The following CNOT1 variants were observed in gnomAD, a reference collection of about 807,000 sequenced individuals.
CNOT1 encodes CCR4-NOT transcription complex subunit 1.
CNOT1 carries 15 observed loss-of-function variants against 273.8 expected under a neutral mutation model. The observed-to-expected ratio is 0.05, with a 90% CI of 0.04 to 0.08. The LOEUF (loss-of-function observed/expected upper bound fraction) is 0.08, where lower values mean the gene tolerates loss of function less well. Among genes scored for constraint, CNOT1 ranks in the 10% least tolerant of loss-of-function variants. CNOT1 has a pLI of 1.00. For synonymous variants in CNOT1, 1,022 were observed against 1,005.5 expected (o/e 1.02, Z -0.31); for missense variants, 1,644 against 2,912.2 (o/e 0.56, Z 10.02).
chr16:58,586,958 T>C (rs1194974361), intron 6 of CNOT1, among the ~76,000 whole-genome samples: 1 of 152,204 alleles, frequency 6.6e-6, no homozygotes, highest in African/African-American at 2.4e-5. Context: ...ATGGGCATAG[T>C]TCTGTTTGGC....
chr16:58,594,560 T>C (rs2042182309), intron 2 of CNOT1, among the ~76,000 whole-genome samples: 3 of 152,072 alleles, frequency 2.0e-5, no homozygotes, highest in Admixed American at 2.0e-4. Context: ...TCCCAGAATT[T>C]TGGGAGGCTG....
chr16:58,532,255 A>G lies in CNOT1; in HGVS notation c.6036T>C (p.Asn2012=). Residue 2012 remains asparagine (N), a synonymous_variant, in exon 41 of 49, where the codon AAT becomes AAC. Coordinates refer to ENST00000317147, the MANE Select transcript of CNOT1 (RefSeq NM_016284.5). ...ACCAGAAAGCTGTAAGTGTCTGGAA[A>G]TTAATGGTTTCCAACACATGCTCAG... ...NAPEHVLETI[N]FQTLTAFCNT... 1 of 1,614,192 alleles carries G rather than the reference A, an allele frequency of 6.2e-7. No homozygotes were observed. Among genetic ancestry groups the G allele is most frequent in the South Asian group, 1.1e-5 (1 of 91,078 alleles).
At position 58,587,331 on chromosome 16, in the gene CNOT1, C is replaced by G; in HGVS notation, c.378+14G>C. The G allele has an allele frequency of 6.2e-7, 1 of 1,613,932 alleles. No individual in the cohort carries two copies. Among genetic ancestry groups the G allele is most frequent in the Non-Finnish European group, 8.5e-7 (1 of 1,179,946 alleles). The stretch of plus-strand genomic sequence containing the variant: ...TTCTAGTTTTGTCTACATCTCTTTT[C>G]ATAAATCACTCACCTCTTGTACTTT... On this transcript the variant is annotated intron_variant, in intron 5 of 48. Coordinates refer to ENST00000317147, the MANE Select transcript of CNOT1 (RefSeq NM_016284.5).
chr16:58,588,959 AAAGT>A lies in CNOT1; in HGVS notation c.103-57_103-54del, dbSNP rs2041963237. ...ATAAGGGAAGATAAAACAAAAAAAAAAAGTAAGGTTTCAAAAAAGAAAATCAACC... is the reference window on the plus strand; with the variant it reads ...ATAAGGGAAGATAAAACAAAAAAAAAAAGGTTTCAAAAAAGAAAATCAACC... On this transcript the variant is annotated intron_variant, in intron 2 of 48. Coordinates refer to ENST00000317147, the MANE Select transcript of CNOT1 (RefSeq NM_016284.5). 1.1e-5 allele frequency: 16 copies of A among 1,509,158 alleles called. No homozygotes were observed. In the South Asian group the frequency reaches 2.1e-4, roughly 19 times the overall value. The allele number at this position is 1,509,158 out of a possible 1,614,324, so 93.5% of individuals were successfully genotyped here.
intron 30 of CNOT1, among the ~76,000 whole-genome samples, chr16:58,544,167 A>G (rs1054195371): frequency 6.6e-6 from 1 of 152,340 alleles, no homozygotes; most frequent in African/African-American, 2.4e-5. Context: ...TACAATATGC[A>G]TTAACTACTT....
chr16:58,564,262 T>C (rs868544619), intron 16 of CNOT1, among the ~76,000 whole-genome samples: 5 of 152,292 alleles, frequency 3.3e-5, no homozygotes, highest in South Asian at 2.1e-4. Flanking sequence ...TTTCTCCAAA[T>C]GTATCTTGCT....
At chr16:58,574,585 C>A in intron 16 of CNOT1, 24 bp downstream of exon 16, 1 of 1,547,730 alleles carries the variant, frequency 6.5e-7, no homozygotes, top group Non-Finnish European at 8.7e-7. Flanking sequence ...CAAAAAAAGT[C>A]ATATTCATGT....
At chr16:58,586,836 C>A in intron 6 of CNOT1, 88 bp from the exon 7 acceptor site, 1 of 1,395,340 alleles carries the variant, frequency 7.2e-7, no homozygotes, top group Non-Finnish European at 9.9e-7. Flanking sequence ...CAGATAATCA[C>A]CCTTCTCATT....
intron 25 of CNOT1, among the ~76,000 whole-genome samples, chr16:58,548,208 T>C (rs757224775): frequency 7.9e-5 from 12 of 152,216 alleles, no homozygotes; most frequent in Non-Finnish European, 1.6e-4. Flanking sequence ...TTCTGAGATA[T>C]AGTATAATAC....
At position 58,521,224 on chromosome 16, in the gene CNOT1, G is replaced by A; in HGVS notation, c.7011C>T (p.Phe2337=). 1 of 1,614,120 alleles carries A rather than the reference G, an allele frequency of 6.2e-7. No homozygotes were observed. Among genetic ancestry groups the A allele is most frequent in the Non-Finnish European group, 8.5e-7 (1 of 1,180,028 alleles). The change falls in exon 48 of 49, where the codon TTC becomes TTT. Residue 2337 remains phenylalanine, a synonymous_variant. Coordinates refer to ENST00000317147, the MANE Select transcript of CNOT1 (RefSeq NM_016284.5). The stretch of plus-strand genomic sequence containing the variant: ...CACAGTGTACAAATTCATGGTTCCA[G>A]AACTTAAACGCTGGGTTTTTAATCA... ...IELIKNPAFK[F]WNHEFVHCAP...
At chr16:58,525,052 T>A in intron 46 of CNOT1, 127 bp downstream of exon 46, 1 of 839,894 alleles carries the variant, frequency 1.2e-6, no homozygotes. Flanking sequence ...CAGCTAGACC[T>A]GTGAATAAAT....
At chr16:58,592,279 T>C (rs1408629892) in intron 2 of CNOT1, among the ~76,000 whole-genome samples, 4 of 151,968 alleles carry the variant, frequency 2.6e-5, no homozygotes, top group Admixed American at 6.6e-5. Flanking sequence ...CATGGCAGCA[T>C]AGAAGAAACA....
chr16:58,535,087 C>T (rs1240856292), intron 39 of CNOT1, among the ~76,000 whole-genome samples: 1 of 152,080 alleles, frequency 6.6e-6, no homozygotes, highest in Non-Finnish European at 1.5e-5. Flanking sequence ...TCCCCTCAAC[C>T]CTTTAAACAA....
At position 58,532,297 on chromosome 16, in the gene CNOT1, G is replaced by A. The variant is rs1167076484; in HGVS notation, c.5994C>T (p.Leu1998=). The A allele has an allele frequency of 6.2e-7, 1 of 1,614,034 alleles. No individual in the cohort carries two copies. Among genetic ancestry groups the A allele is most frequent in the Non-Finnish European group, 8.5e-7 (1 of 1,180,034 alleles). Residue 1998 remains leucine (L), a synonymous_variant, in exon 41 of 49, where the codon CTC becomes CTT. Coordinates refer to ENST00000317147, the MANE Select transcript of CNOT1 (RefSeq NM_016284.5). ...LPYHRIFIML[L]LELNAPEHVL... ...CATGCTCAGGTGCATTGAGTTCCAA[G>A]AGAAGCATGATAAAAATTCGATGGT... is the stretch of plus-strand genomic sequence containing the variant.
intron 1 of CNOT1, among the ~76,000 whole-genome samples, chr16:58,610,571 C>T (rs573592978): frequency 1.3e-3 from 192 of 152,190 alleles, no homozygotes; most frequent in African/African-American, 3.9e-3. Flanking sequence ...AGGCGGGGCG[C>T]GGTGGCTCAC....
intron 34 of CNOT1, 25 bp downstream of exon 34, chr16:58,541,476 T>G (rs2040095005): frequency 1.4e-5 from 22 of 1,597,798 alleles, no homozygotes; most frequent in Non-Finnish European, 1.9e-5. Flanking sequence ...GGCAAAACAC[T>G]CAATTTAATC....
rs200232442 is a variant in CNOT1 at position 58,586,711 on chromosome 16, C to G, written c.471G>C (p.Leu157=). The G allele has an allele frequency of 6.2e-7, 1 of 1,613,160 alleles. No homozygotes were observed. The highest frequency in any genetic ancestry group is 2.2e-5 in the East Asian group (1 of 44,842). The change falls in exon 7 of 49, where the codon CTG becomes CTC. Residue 157 remains leucine (L), a synonymous_variant. Coordinates refer to ENST00000317147, the MANE Select transcript of CNOT1 (RefSeq NM_016284.5). ...TGACGTCTGCGTCAATGTAAGAACG[C>G]AGAAGATCTGGAAGCTTCTGTTTGA... The part of the protein sequence containing the change: ...QFIKQKLPDL[L]RSYIDADVSG...
chr16:58,617,866 GGGT>G (rs2043149603), intron 1 of CNOT1, among the ~76,000 whole-genome samples: 4 of 152,272 alleles, frequency 2.6e-5, no homozygotes, highest in Admixed American at 1.3e-4. Flanking sequence ...AAAATTAGCT[GGGT>G]GTGGCACTGT....
Position 58,576,557 on chromosome 16 carries a change from A to C in CNOT1, c.1610T>G (p.Leu537Arg). 6.2e-7 allele frequency: 1 copy of C among 1,614,172 alleles called. No homozygotes were observed. The highest frequency in any genetic ancestry group is 8.5e-7 in the Non-Finnish European group (1 of 1,180,030). ...GQGQSPSIRQLIMHAMAEWYM... is the reference protein window; with the variant it reads ...GQGQSPSIRQRIMHAMAEWYM... ...CCATTCTGCCATTGCATGCATGATAAGTTGGCGAATTGAGGGAGACTGTCC... is the reference window on the plus strand; with the variant it reads ...CCATTCTGCCATTGCATGCATGATACGTTGGCGAATTGAGGGAGACTGTCC... Residue 537 changes from leucine (L) to arginine (R), a missense_variant, in exon 14 of 49, where the codon CTT becomes CGT. By Grantham distance (102) the Leu-to-Arg change is moderately radical. This residue lies in a region of CNOT1 where 706 missense variants were observed against 1,021.2 expected (regional missense o/e 0.69). Transcript: ENST00000317147.
Sources: gnomAD v4.1 joint callset for allele counts (sites outside exome capture counted in the v4.1 genomes callset) on GRCh38, gnomAD v4.1.1 for gene constraint, gnomAD v4.1.1 regional missense constraint, MANE v1.5 for transcripts, NCBI Gene and HGNC (gene_info 2026-07-23, HGNC 2026-07-21) for gene names.